The following SLC18A2 variants were observed in gnomAD, a reference collection of about 807,000 sequenced individuals.
SLC18A2 encodes synaptic vesicular amine transporter.
In SLC18A2, 33 loss-of-function variants were observed where a neutral mutation model predicts 59.2. That is an observed-to-expected ratio of 0.56 (90% confidence interval 0.42 to 0.75). SLC18A2 has a LOEUF of 0.75. SLC18A2 is among the 30% of genes least tolerant of loss of function. The probability of loss-of-function intolerance (pLI) is 0.00; values close to 1 mark genes in which losing one functional copy is unlikely to be tolerated. For missense variants in SLC18A2, 569 were observed against 668.6 expected, an observed-to-expected ratio of 0.85 and a Z score of 1.64; for synonymous variants, 228 against 253.5, an observed-to-expected ratio of 0.90 and a Z score of 0.95.
chr10:117,262,656 C>T (rs1844307269), intron 10 of SLC18A2, among the ~76,000 whole-genome samples: 1 of 152,050 alleles, frequency 6.6e-6, no homozygotes, highest in Non-Finnish European at 1.5e-5. Context: ...AACTCTTGAG[C>T]TGAGAAGCTC....
chr10:117,259,937 C>A (rs363222), intron 10 of SLC18A2, among the ~76,000 whole-genome samples: 5 of 152,050 alleles, frequency 3.3e-5, no homozygotes, highest in Admixed American at 3.3e-4. Context: ...CTGTTTTACT[C>A]CAGTTGGCTG....
Position 117,266,111 on chromosome 10 carries a change from A to AAT in SLC18A2, c.992-622_992-621insAT, listed in dbSNP as rs1554952656. ...TCTCAAAAAAAAAAAAAAAAAAAAA[A>AAT]TCTGACTTGACAACAAAAAATGACC... On this transcript the variant is annotated intron_variant, in intron 10 of 15. Coordinates refer to ENST00000644641, the MANE Select transcript of SLC18A2 (RefSeq NM_003054.6). 1.4e-3 allele frequency among the ~76,000 whole-genome samples: 216 copies of AAT among 150,864 alleles called. 3 individuals carry two copies. Among genetic ancestry groups the AAT allele is most frequent in the African/African-American group, 4.8e-3 (198 of 40,952 alleles).
chr10:117,242,050 A>G (rs1589976148), intron 2 of SLC18A2: 2 of 401,008 alleles, frequency 5.0e-6, no homozygotes, highest in South Asian at 5.6e-5. Context: ...GATAAGACCC[A>G]GAACTTATGT....
chr10:117,244,288 C>T lies in SLC18A2; in HGVS notation c.439C>T (p.Pro147Ser), dbSNP rs1164922229. 1.9e-6 allele frequency: 3 copies of T among 1,613,912 alleles called. No individual in the cohort carries two copies. Among genetic ancestry groups the T allele is most frequent in the African/African-American group, 2.7e-5 (2 of 74,916 alleles). ...SKATVQLITNPFIGLLTNRIG... is the reference protein window; with the variant it reads ...SKATVQLITNSFIGLLTNRIG... Reference sequence around the variant, plus strand: ...AGCCACCGTCCAGCTCATCACCAACCCTTTCATAGGACTACTGACCAACAG... The same window carrying T: ...AGCCACCGTCCAGCTCATCACCAACTCTTTCATAGGACTACTGACCAACAG... Residue 147 changes from proline (P) to serine (S), a missense_variant, in exon 3 of 16, where the codon CCT becomes TCT. Pro to Ser is a moderately conservative substitution (Grantham distance 74). Around this residue, in one of 2 missense-constraint regions of SLC18A2, gnomAD observed 377 missense variants for 389.8 expected, o/e 0.97. Transcript: ENST00000644641.
intron 10 of SLC18A2, among the ~76,000 whole-genome samples, chr10:117,266,088 TCA>T (rs1565007677): frequency 2.5e-5 from 1 of 40,184 alleles, no homozygotes. Context: ...AGACTCCATC[TCA>T]AAAAAAAAAA....
At chr10:117,249,797 G>A (rs566847439) in intron 3 of SLC18A2, among the ~76,000 whole-genome samples, 4 of 151,022 alleles carry the variant, frequency 2.6e-5, no homozygotes, top group Non-Finnish European at 5.9e-5. Flanking sequence ...TGTTTTACAT[G>A]TTTTTCTAGG....
At chr10:117,251,985 A>G (rs896563234) in intron 3 of SLC18A2, among the ~76,000 whole-genome samples, 9 of 151,642 alleles carry the variant, frequency 5.9e-5, no homozygotes, top group Non-Finnish European at 8.8e-5. Flanking sequence ...TTGAGACAGA[A>G]TCTCGCTCTG....
rs1371998089 is a variant in SLC18A2 at position 117,253,432 on chromosome 10, C to T, written c.498C>T (p.Phe166=). The T allele has an allele frequency of 3.7e-6, 6 of 1,613,826 alleles. No individual in the cohort carries two copies. In the South Asian group the frequency reaches 6.6e-5, roughly 18 times the overall value. ...ATCCAATTCCCATATTTGCGGGATTCTGCATCATGTTTGTCTCAACAATTA... is the reference window on the plus strand; with the variant it reads ...ATCCAATTCCCATATTTGCGGGATTTTGCATCATGTTTGTCTCAACAATTA... ...IGYPIPIFAG[F]CIMFVSTIMF... is the part of the protein sequence containing the mutation. Residue 166 remains phenylalanine (F), a synonymous_variant, in exon 4 of 16, where the codon TTC becomes TTT. Coordinates refer to ENST00000644641, the MANE Select transcript of SLC18A2 (RefSeq NM_003054.6).
rs1286556004 is a variant in SLC18A2, at chr10:117,241,805, A to T, written c.112A>T (p.Thr38Ser). 2 of 1,606,714 alleles carry T rather than the reference A, an allele frequency of 1.2e-6. No homozygotes were observed. Among genetic ancestry groups the T allele is most frequent in the Non-Finnish European group, 1.7e-6 (2 of 1,177,398 alleles). ...GCTGCTGCTGGACAACATGCTGCTC[A>T]CTGTCGTGGGTACGTGCGGACAGGG... is the stretch of plus-strand genomic sequence containing the variant. ...LALLLDNMLL[T>S]VVVPIIPSYL... is the part of the protein sequence containing the mutation. Residue 38 changes from threonine to serine, a missense_variant, in exon 2 of 16, where the codon ACT becomes TCT. Thr to Ser is a moderately conservative substitution (Grantham distance 58). Transcript: ENST00000644641.
chr10:117,251,551 A>T (rs542710347), intron 3 of SLC18A2, among the ~76,000 whole-genome samples: 1 of 152,206 alleles, frequency 6.6e-6, no homozygotes, highest in African/African-American at 2.4e-5. Flanking sequence ...ACAGCAGGGG[A>T]ATCTTTGCAT....
intron 9 of SLC18A2, among the ~76,000 whole-genome samples, chr10:117,256,652 C>T (rs1350209547): frequency 2.6e-5 from 4 of 152,188 alleles, no homozygotes; most frequent in Non-Finnish European, 4.4e-5. Flanking sequence ...AAGACCCTGT[C>T]TATCATGCTT....
Position 117,267,577 on chromosome 10 carries a change from T to C in SLC18A2, c.1123-96T>C, listed in dbSNP as rs1037704067. The stretch of plus-strand genomic sequence containing the variant: ...TGTTTTCTTCAGAAGGGAACAGGCA[T>C]ACCACGCTCAGAGAAAACACAAGTT... On this transcript the variant is annotated intron_variant, in intron 12 of 15. Coordinates refer to ENST00000644641, the MANE Select transcript of SLC18A2 (RefSeq NM_003054.6). 1.7e-5 allele frequency: 15 copies of C among 876,244 alleles called. No individual in the cohort carries two copies. The East Asian group carries it at 3.7e-4, about 21-fold the overall frequency. 54.3% of individuals were successfully genotyped at this position (876,244 alleles called of 1,614,324 possible). A position where few individuals can be genotyped will look rare whatever the true frequency, so the allele number is the denominator to read the frequency against.
chr10:117,255,432 A>G (rs904368238), intron 7 of SLC18A2, 47 bp from the exon 8 acceptor site: 1 of 1,614,006 alleles, frequency 6.2e-7, no homozygotes, highest in African/African-American at 1.3e-5. Flanking sequence ...CTTGGGCCAC[A>G]CCTGCTTTCT....
chr10:117,241,770 T>A lies in SLC18A2; in HGVS notation c.77T>A (p.Val26Glu). ...TCGCGGAAGCTCATCCTGTTCATCG[T>A]GTTCCTGGCGCTGCTGCTGGACAAC... ...RRSRKLILFI[V>E]FLALLLDNML... The change falls in exon 2 of 16, where the codon GTG (valine) becomes GAG (glutamate). Residue 26 changes from valine to glutamate, a missense_variant. Val to Glu is a moderately radical substitution (Grantham distance 121). Coordinates refer to ENST00000644641, the MANE Select transcript of SLC18A2 (RefSeq NM_003054.6). 6.2e-7 allele frequency: 1 copy of A among 1,611,342 alleles called. No homozygotes were observed. Among genetic ancestry groups the A allele is most frequent in the Non-Finnish European group, 8.5e-7 (1 of 1,179,176 alleles).
chr10:117,256,845 G>A (rs977853818), intron 9 of SLC18A2, among the ~76,000 whole-genome samples: 4 of 152,198 alleles, frequency 2.6e-5, no homozygotes, highest in African/African-American at 4.8e-5. Context: ...GCACGTCTGA[G>A]CAGGGCTGTG....
At chr10:117,244,459 A>G (rs1844090069) in intron 3 of SLC18A2, 146 bp downstream of exon 3, 3 of 677,182 alleles carry the variant, frequency 4.4e-6, no homozygotes, top group Non-Finnish European at 7.5e-6. Flanking sequence ...CCCTTCCCCT[A>G]TGTCTCTGTT....
At position 117,254,343 on chromosome 10, in the gene SLC18A2, C is replaced by A. The variant is rs547856858; in HGVS notation, c.608-62C>A. ...GGCTGGCTGGAGAGGGAAGGCGAGT[C>A]ACGCATTATTCTTTTGCTGTTCCCC... On this transcript the variant is annotated intron_variant, in intron 5 of 15. Transcript: ENST00000644641. 4.3e-5 allele frequency: 60 copies of A among 1,400,832 alleles called. No homozygotes were observed. The African/African-American group carries it at 8.1e-4, about 19-fold the overall frequency. 86.8% of individuals were successfully genotyped at this position (1,400,832 alleles called of 1,614,324 possible). A position where few individuals can be genotyped will look rare whatever the true frequency, so the allele number is the denominator to read the frequency against.
Position 117,278,643 on chromosome 10 carries a change from TGTGTTTG to T in SLC18A2, c.*1378_*1384del, listed in dbSNP as rs546709143. 4.2e-3 allele frequency: 588 copies of T among 140,500 alleles called. 4 individuals are homozygous for T. The highest frequency in any genetic ancestry group is 0.015 in the African/African-American group (557 of 37,534). The allele number at this position is 140,500 out of a possible 1,614,324, so 8.7% of individuals were successfully genotyped here. A position where few individuals can be genotyped will look rare whatever the true frequency, so the allele number is the denominator to read the frequency against. On this transcript the variant is annotated 3_prime_UTR_variant, in exon 16 of 16. Transcript: ENST00000644641. ...TTACTTAGTTTCGTTAAGCTAAGAT[TGTGTTTG>T]TGTTAACTTCGACATCAAGGAGCAA...
intron 10 of SLC18A2, among the ~76,000 whole-genome samples, chr10:117,258,397 T>G (rs1469496484): frequency 3.3e-5 from 5 of 152,230 alleles, no homozygotes; most frequent in Non-Finnish European, 5.9e-5. Flanking sequence ...GTTCTATGTC[T>G]TTTTCTAGAT....
Sources: gnomAD v4.1 joint callset for allele counts (sites outside exome capture counted in the v4.1 genomes callset) on GRCh38, gnomAD v4.1.1 for gene constraint, gnomAD v4.1.1 regional missense constraint, MANE v1.5 for transcripts, NCBI Gene and HGNC (gene_info 2026-07-23, HGNC 2026-07-21) for gene names.